The following ADCK5 variants were observed in gnomAD, a reference collection of about 807,000 sequenced individuals.
The protein encoded by ADCK5 is aarF domain containing kinase 5, also known as uncharacterized aarF domain-containing protein kinase 5.
In ADCK5, 43 loss-of-function variants were observed where a neutral mutation model predicts 64.9. The ratio of observed to expected loss-of-function variants is 0.66; its 90% confidence interval spans 0.52 to 0.85. The LOEUF (loss-of-function observed/expected upper bound fraction) is 0.85, where lower values mean the gene tolerates loss of function less well. Ranked by LOEUF, ADCK5 falls within the 40% of genes least tolerant of loss-of-function variation. ADCK5 has a pLI of 0.00. For missense variants in ADCK5, 760 were observed against 810.5 expected (o/e 0.94, Z 0.76); for synonymous variants, 434 against 342.8 (o/e 1.27, Z -2.94).
At chr8:144,380,940 G>C (rs1331156332) in intron 2 of ADCK5, among the ~76,000 whole-genome samples, 2 of 109,856 alleles carry the variant, frequency 1.8e-5, no homozygotes, top group African/African-American at 3.8e-5. Context: ...TATGGGCTGG[G>C]TGTAGAAGCA....
At chr8:144,373,616 C>T (rs782744991), upstream of ADCK5, among the ~76,000 whole-genome samples, 75 of 152,232 alleles carry the variant, frequency 4.9e-4, no homozygotes, top group Non-Finnish European at 7.2e-4. Context: ...TCTTCCAGTT[C>T]CCAGTCAGGG....
At chr8:144,382,516 CAGCAAGTATTGGGCTCTTGCTGT>C (rs1819722423) in intron 2 of ADCK5, among the ~76,000 whole-genome samples, 1 of 149,744 alleles carries the variant, frequency 6.7e-6, no homozygotes, top group African/African-American at 2.6e-5. Context: ...CTGCTGTATT[CAGCAAGTATTGGGCTCTTGCTGT>C]ATTCAGCAAG....
upstream of ADCK5, chr8:144,373,119 G>A (rs138865060): frequency 1.2e-3 from 177 of 152,634 alleles, no homozygotes; most frequent in Middle Eastern, 0.01. Context: ...CTTAGGCCAA[G>A]CTGACTCAGG....
chr8:144,387,760 TCA>T (rs1443175803), intron 3 of ADCK5, among the ~76,000 whole-genome samples: 1 of 150,478 alleles, frequency 6.6e-6, no homozygotes. Context: ...AGACAGAGTT[TCA>T]CTCTTGTTGC....
intron 1 of ADCK5, among the ~76,000 whole-genome samples, chr8:144,374,811 C>G (rs1819298829): frequency 6.6e-6 from 1 of 152,192 alleles, no homozygotes; most frequent in Non-Finnish European, 1.5e-5. Flanking sequence ...CTCCGAGGCC[C>G]CCTCTCTCAG....
chr8:144,389,312 C>A (rs1262405396), intron 3 of ADCK5: 12 of 456,582 alleles, frequency 2.6e-5, no homozygotes, highest in Admixed American at 2.6e-4. Context: ...GTCCTCCTCT[C>A]TTCCTAGTGG....
At chr8:144,391,548 G>T in intron 7 of ADCK5, 32 bp from the exon 8 acceptor site, 1 of 1,584,922 alleles carries the variant, frequency 6.3e-7, no homozygotes, top group Non-Finnish European at 8.5e-7. Context: ...CTGGTAGGCA[G>T]AGCTGGTCTT....
rs369592478 is a variant in ADCK5, at chr8:144,391,312, C to T, written c.684+38C>T. The T allele has an allele frequency of 1.7e-4, 271 of 1,612,104 alleles. 3 individuals are homozygous for T. In the South Asian group the frequency reaches 1.8e-3, roughly 11 times the overall value. On this transcript the variant is annotated intron_variant, in intron 6 of 14. Coordinates refer to ENST00000308860, the MANE Select transcript of ADCK5 (RefSeq NM_174922.5). ...TGCCTTGTTCAGCAGTGGGCTGGGG[C>T]GGGGCACAGTGGGGCCCCAAGTTCT...
At chr8:144,388,608 CAA>C (rs1202504233) in intron 3 of ADCK5, among the ~76,000 whole-genome samples, 1 of 151,214 alleles carries the variant, frequency 6.6e-6, no homozygotes, top group Admixed American at 6.6e-5. Flanking sequence ...ACTAAAAATA[CAA>C]AAAAATTAGC....
At chr8:144,386,570 C>G (rs1325534689) in intron 3 of ADCK5, among the ~76,000 whole-genome samples, 2 of 152,098 alleles carry the variant, frequency 1.3e-5, no homozygotes, top group Admixed American at 1.3e-4. Context: ...GTTGGCCAGG[C>G]TGGTCTTGAA....
rs1278131117 is a variant in ADCK5 at position 144,374,080 on chromosome 8, G to A, written c.-16G>A. 1.6e-6 allele frequency: 2 copies of A among 1,247,510 alleles called. No individual in the cohort carries two copies. Among genetic ancestry groups the A allele is most frequent in the East Asian group, 3.1e-5 (1 of 31,766 alleles). 77.3% of individuals were successfully genotyped at this position (1,247,510 alleles called of 1,614,324 possible). On this transcript the variant is annotated 5_prime_UTR_variant, in exon 1 of 15. Transcript: ENST00000308860. ...AAGCGGCGCCGGGCGGGAGAAGAGC[G>A]GAGCAGTGGTCGGAGATGTGGCGAC... is the stretch of plus-strand genomic sequence containing the variant.
At chr8:144,390,093 A>G (rs1820138300) in intron 3 of ADCK5, among the ~76,000 whole-genome samples, 1 of 151,312 alleles carries the variant, frequency 6.6e-6, no homozygotes, top group Non-Finnish European at 1.5e-5. Context: ...GGCCTCCCAA[A>G]GTGCTGGGAT....
In ADCK5 at chr8:144,392,906, G is replaced by T; in HGVS notation, c.1637+14G>T. On this transcript the variant is annotated intron_variant, in intron 14 of 14. Coordinates refer to ENST00000308860, the MANE Select transcript of ADCK5 (RefSeq NM_174922.5). ...AGTGGCGCTCAGGTGAGTGGCCGCG[G>T]GGCAGGTGGGTGGCGGGGGCCTGCT... is the stretch of plus-strand genomic sequence containing the variant. 1 of 1,598,752 alleles carries T rather than the reference G, an allele frequency of 6.3e-7. No homozygotes were observed.
intron 13 of ADCK5, 34 bp from the exon 14 acceptor site, chr8:144,392,742 G>A: frequency 1.9e-6 from 3 of 1,586,460 alleles, no homozygotes; most frequent in African/African-American, 1.3e-5. Flanking sequence ...GGGCTGGTGT[G>A]GGGCTGACGC....
intron 1 of ADCK5, among the ~76,000 whole-genome samples, chr8:144,378,470 G>C (rs1424854586): frequency 6.6e-6 from 1 of 150,898 alleles, no homozygotes; most frequent in African/African-American, 2.5e-5. Flanking sequence ...CTCTCTCTCC[G>C]CCCCCCCCAC....
At chr8:144,378,857 C>T (rs782436277) in intron 1 of ADCK5, among the ~76,000 whole-genome samples, 2 of 151,770 alleles carry the variant, frequency 1.3e-5, no homozygotes, top group East Asian at 3.9e-4. Context: ...CCAGCCTGGG[C>T]GACAGAGTGA....
In ADCK5 at chr8:144,392,006, C is replaced by T; in HGVS notation, c.1080C>T (p.Asp360=). Residue 360 remains aspartate (D), a synonymous_variant, in exon 10 of 15, where the codon GAC becomes GAT. Coordinates refer to ENST00000308860, the MANE Select transcript of ADCK5 (RefSeq NM_174922.5). ...TTTACACCGGCTTCATCCACTCGGA[C>T]CCACATCCTGGCAACGGTAGGAATT... ...QIFYTGFIHS[D]PHPGNVLVRK... is the part of the protein sequence containing the mutation. 1 of 1,612,774 alleles carries T rather than the reference C, an allele frequency of 6.2e-7. No homozygotes were observed. The highest frequency in any genetic ancestry group is 8.5e-7 in the Non-Finnish European group (1 of 1,179,976).
intron 2 of ADCK5, among the ~76,000 whole-genome samples, chr8:144,380,991 T>C (rs1554858045): frequency 1.2e-4 from 15 of 129,730 alleles, no homozygotes; most frequent in South Asian, 5.1e-4. Context: ...GATTATGGGC[T>C]GGGTGTAGAA....
rs1554859592 is a variant in ADCK5 at position 144,388,130 on chromosome 8, A to T, written c.267-2541A>T. On this transcript the variant is annotated intron_variant, in intron 3 of 14. Coordinates refer to ENST00000308860, the MANE Select transcript of ADCK5 (RefSeq NM_174922.5). ...GTGAAAATGCTTTGGGAGGCCGAGG[A>T]GGGCGGATCACGAGGTCAGGAGTTC... 4.6e-5 allele frequency among the ~76,000 whole-genome samples: 7 copies of T among 150,860 alleles called. No homozygotes were observed. The East Asian group carries it at 8.1e-4, about 17-fold the overall frequency.
Sources: gnomAD v4.1 joint callset for allele counts (sites outside exome capture counted in the v4.1 genomes callset) on GRCh38, gnomAD v4.1.1 for gene constraint, MANE v1.5 for transcripts, NCBI Gene and HGNC (gene_info 2026-07-23, HGNC 2026-07-21) for gene names.